Variants in SEL1L2 observed in about 807,000 individuals in gnomAD.
SEL1L2 encodes SEL1L2 adaptor subunit of SYVN1 ubiquitin ligase.
A neutral mutation model predicts 98.8 loss-of-function variants in SEL1L2; 89 were observed. The observed-to-expected ratio is 0.90, with a 90% CI of 0.76 to 1.07. The LOEUF is 1.07. Ranked by LOEUF, SEL1L2 falls within the 50% of genes least tolerant of loss-of-function variation. The pLI is 0.00. For missense variants in SEL1L2, 788 were observed against 812.0 expected (o/e 0.97, Z 0.36); for synonymous variants, 262 against 278.5 (o/e 0.94, Z 0.59).
chr20:13,964,682 G>T (rs1489024758), intron 1 of SEL1L2, among the ~76,000 whole-genome samples: 1 of 151,932 alleles, frequency 6.6e-6, no homozygotes, highest in Non-Finnish European at 1.5e-5. Context: ...AAGCTCCCGA[G>T]ACCTCAGGTG....
chr20:13,984,490 T>C (rs1260113671), intron 1 of SEL1L2, among the ~76,000 whole-genome samples: 1 of 152,232 alleles, frequency 6.6e-6, no homozygotes, highest in East Asian at 1.9e-4. Flanking sequence ...CGTGATAATC[T>C]CTTTAGCCTT....
chr20:13,885,478 T>C, intron 9 of SEL1L2, 75 bp from the exon 10 acceptor site: 1 of 978,042 alleles, frequency 1.0e-6, no homozygotes, highest in Admixed American at 1.7e-5. Context: ...TGTGGTGATT[T>C]TACTTTAGTA....
At chr20:13,938,085 T>TTTC (rs2049545210) in intron 2 of SEL1L2, among the ~76,000 whole-genome samples, 1 of 142,768 alleles carries the variant, frequency 7.0e-6, no homozygotes, top group African/African-American at 2.5e-5. Flanking sequence ...TTTCTTTTCT[T>TTTC]TTTTTTTTTT....
At chr20:13,918,373 G>T (rs917174032) in intron 4 of SEL1L2, among the ~76,000 whole-genome samples, 1 of 152,148 alleles carries the variant, frequency 6.6e-6, no homozygotes, top group East Asian at 1.9e-4. Flanking sequence ...CCCTCCACTG[G>T]AAGTGTGGAG....
At chr20:13,885,435 C>G (rs370147503) in intron 9 of SEL1L2, 32 bp from the exon 10 acceptor site, 148 of 1,386,986 alleles carry the variant, frequency 1.1e-4, no homozygotes, top group Non-Finnish European at 1.4e-4. Flanking sequence ...ATGATTTTAG[C>G]AGCAGTATTA....
intron 11 of SEL1L2, among the ~76,000 whole-genome samples, chr20:13,876,403 TCTC>T (rs1163612971): frequency 8.5e-6 from 1 of 117,820 alleles, no homozygotes; most frequent in Non-Finnish European, 1.6e-5. Flanking sequence ...TCTCTCTCTC[TCTC>T]TTTTTTTTTT....
At chr20:13,988,166 G>A (rs2052336993) in intron 1 of SEL1L2, among the ~76,000 whole-genome samples, 2 of 151,876 alleles carry the variant, frequency 1.3e-5, no homozygotes, top group South Asian at 2.1e-4. Context: ...ATGAGGTGGG[G>A]GTACAAATTC....
At chr20:13,850,741 T>A (rs8120091) in intron 18 of SEL1L2, among the ~76,000 whole-genome samples, 3 of 152,092 alleles carry the variant, frequency 2.0e-5, no homozygotes, top group Non-Finnish European at 4.4e-5. Flanking sequence ...GATTTTAGCC[T>A]CGTGAAACCC....
At chr20:13,867,980 CA>C (rs2046004842) in intron 14 of SEL1L2, among the ~76,000 whole-genome samples, 1 of 152,088 alleles carries the variant, frequency 6.6e-6, no homozygotes, top group African/African-American at 2.4e-5. Flanking sequence ...CCTCCTCTGA[CA>C]TGAAGGACTT....
At chr20:13,980,734 C>T (rs192578724) in intron 1 of SEL1L2, among the ~76,000 whole-genome samples, 29 of 152,210 alleles carry the variant, frequency 1.9e-4, no homozygotes, top group African/African-American at 6.5e-4. Flanking sequence ...TGGAAACAAC[C>T]TAAGTGTCCA....
Position 13,865,380 on chromosome 20 carries a change from A to G in SEL1L2, c.1539T>C (p.Ala513=), listed in dbSNP as rs1304550504. ...ALLAEMGYEV[A]QSNSAFILES... ...CCAAAATGAATGCTGAATTGCTTTG[A>G]GCTACTTCATACCCCATTTCTGCAA... is the stretch of plus-strand genomic sequence containing the variant. Residue 513 remains alanine, a synonymous_variant, in exon 16 of 20, where the codon GCT becomes GCC. Coordinates refer to ENST00000284951, the MANE Select transcript of SEL1L2 (RefSeq NM_025229.2). 4 of 1,614,046 alleles carry G rather than the reference A, an allele frequency of 2.5e-6. No homozygotes were observed. The highest frequency in any genetic ancestry group is 1.7e-5 in the Admixed American group (1 of 59,984).
chr20:13,850,297 A>G lies in SEL1L2; in HGVS notation c.1841T>C (p.Leu614Ser). 5 of 1,614,094 alleles carry G rather than the reference A, an allele frequency of 3.1e-6. No individual in the cohort carries two copies. Among genetic ancestry groups the G allele is most frequent in the Non-Finnish European group, 4.2e-6 (5 of 1,179,924 alleles). The change falls in exon 19 of 20, where the codon TTG becomes TCG. Residue 614 changes from leucine to serine, a missense_variant. By Grantham distance (145) the Leu-to-Ser change is moderately radical (BLOSUM62 -2). Coordinates refer to ENST00000284951, the MANE Select transcript of SEL1L2 (RefSeq NM_025229.2). ...ITKDIHLARR[L>S]YDMAAQTSPD... The stretch of plus-strand genomic sequence containing the variant: ...ACTCGTTTGAGCAGCCATGTCGTAC[A>G]ATCTTCTGGCCAAGTGAATGTCCTA...
At chr20:13,973,709 T>C (rs2051391752) in intron 1 of SEL1L2, among the ~76,000 whole-genome samples, 2 of 152,160 alleles carry the variant, frequency 1.3e-5, no homozygotes, top group Admixed American at 6.5e-5. Context: ...TTAGAGTGGA[T>C]TCTTTGAGGC....
In SEL1L2 at chr20:13,912,264, C is replaced by T. The variant is rs142450511; in HGVS notation, c.549+1518G>A. On this transcript the variant is annotated intron_variant, in intron 5 of 19. Coordinates refer to ENST00000284951, the MANE Select transcript of SEL1L2 (RefSeq NM_025229.2). The stretch of plus-strand genomic sequence containing the variant: ...CACCAGTGTATGAAGACAGGTATGG[C>T]ATAGCATCTGGACTTTTTTTCTGTG... 9.3e-4 allele frequency among the ~76,000 whole-genome samples: 141 copies of T among 151,032 alleles called. 1 individual carries two copies. Among genetic ancestry groups the T allele is most frequent in the African/African-American group, 3.3e-3 (136 of 41,126 alleles).
upstream of SEL1L2, among the ~76,000 whole-genome samples, chr20:13,993,001 G>A (rs1425114108): frequency 6.6e-6 from 1 of 151,922 alleles, no homozygotes; most frequent in African/African-American, 2.4e-5. Context: ...ATGAATTTTG[G>A]GTGCACGTAA....
chr20:13,963,009 T>C (rs2050848738), intron 1 of SEL1L2, among the ~76,000 whole-genome samples: 1 of 146,800 alleles, frequency 6.8e-6, no homozygotes, highest in African/African-American at 2.5e-5. Flanking sequence ...AGAGTTCCAG[T>C]GAGCCAAGAT....
chr20:13,954,339 A>T (rs1767295674), intron 2 of SEL1L2, among the ~76,000 whole-genome samples: 1 of 152,152 alleles, frequency 6.6e-6, no homozygotes, highest in South Asian at 2.1e-4. Context: ...TGGTAAGTTC[A>T]GTGAGCTGAG....
intron 2 of SEL1L2, among the ~76,000 whole-genome samples, chr20:13,941,927 T>C (rs2148375950): frequency 6.6e-6 from 1 of 152,322 alleles, no homozygotes; most frequent in East Asian, 1.9e-4. Flanking sequence ...AAGACATTTC[T>C]TGTTTTCCTT....
At chr20:13,920,280 C>A (rs1009272873) in intron 3 of SEL1L2, among the ~76,000 whole-genome samples, 19 of 151,510 alleles carry the variant, frequency 1.3e-4, no homozygotes, top group African/African-American at 4.1e-4. Context: ...CTCCCAGGAC[C>A]CTTTCTAAGA....
Sources: gnomAD v4.1 joint callset for allele counts (sites outside exome capture counted in the v4.1 genomes callset) on GRCh38, gnomAD v4.1.1 for gene constraint, MANE v1.5 for transcripts, NCBI Gene and HGNC (gene_info 2026-07-23, HGNC 2026-07-21) for gene names.